NBPF19: variants seen among roughly 807,000 people sequenced by gnomAD.
NBPF19 encodes the protein NBPF family member NBPF19.
A neutral mutation model predicts 45.9 loss-of-function variants in NBPF19; 30 were observed. The observed-to-expected ratio is 0.65, with a 90% CI of 0.49 to 0.89. The LOEUF (loss-of-function observed/expected upper bound fraction) is 0.89, where lower values mean the gene tolerates loss of function less well. Ranked by LOEUF, NBPF19 falls within the 40% of genes least tolerant of loss-of-function variation. The probability of loss-of-function intolerance (pLI) is 0.00; values close to 1 mark genes in which losing one functional copy is unlikely to be tolerated. For synonymous variants in NBPF19, 183 were observed against 181.2 expected (o/e 1.01, Z -0.08); for missense variants, 495 against 471.8 (o/e 1.05, Z -0.46).
rs2086939734 is a variant in NBPF19 at position 149,529,068 on chromosome 1, C to A, written c.7347-106C>A. 9 of 243,878 alleles carry A rather than the reference C, an allele frequency of 3.7e-5. No homozygotes were observed. The East Asian group carries it at 8.0e-4, about 22-fold the overall frequency. The allele number at this position is 243,878 out of a possible 1,614,324, so 15.1% of individuals were successfully genotyped here. ...TTGTTACCTCATTAATGGATCTATC[C>A]TTTTAGTTTCTTAACCACTTCCCTA... On this transcript the variant is annotated intron_variant, in intron 61 of 93. Coordinates refer to ENST00000651566, the MANE Select transcript of NBPF19 (RefSeq NM_001351365.2).
In NBPF19 at chr1:149,488,001, C is replaced by T. The variant is rs1455737111; in HGVS notation, c.1041-12C>T. 2.9e-6 allele frequency: 2 copies of T among 689,014 alleles called. No homozygotes were observed. The highest frequency in any genetic ancestry group is 5.3e-6 in the Non-Finnish European group (2 of 375,186). The allele number at this position is 689,014 out of a possible 1,614,324, so 42.7% of individuals were successfully genotyped here. On this transcript the variant is annotated splice_polypyrimidine_tract_variant and intron_variant, in intron 9 of 93. Coordinates refer to ENST00000651566, the MANE Select transcript of NBPF19 (RefSeq NM_001351365.2). ...CCCCTGGCTTATTCTTTACTTTTTC[C>T]CACTTTTCCAGGCTCAGCAGGGAGC... is the stretch of plus-strand genomic sequence containing the variant.
chr1:149,554,486 C>G lies in NBPF19; in HGVS notation c.11289-9C>G. On this transcript the variant is annotated splice_polypyrimidine_tract_variant and intron_variant, in intron 93 of 93. Transcript: ENST00000651566. Reference sequence around the variant, plus strand: ...CTGGCTGCTTCTTTAGTTTTGTCTCCTTTTCCAGGCTCAACAGCGTGCTGA... The same window carrying G: ...CTGGCTGCTTCTTTAGTTTTGTCTCGTTTTCCAGGCTCAACAGCGTGCTGA... 13 of 1,608,054 alleles carry G rather than the reference C, an allele frequency of 8.1e-6. 1 individual carries two copies. The highest frequency in any genetic ancestry group is 1.3e-5 in the African/African-American group (1 of 74,684).
intron 2 of NBPF19, among the ~76,000 whole-genome samples, 153 bp from the exon 3 acceptor site, chr1:149,477,792 A>G (rs1474185211): frequency 6.6e-6 from 1 of 151,396 alleles, no homozygotes; most frequent in Non-Finnish European, 1.5e-5. Flanking sequence ...GAAAGTCAGG[A>G]GACTGAAGAA....
chr1:149,477,273 C>CT (rs1302654026), intron 2 of NBPF19, among the ~76,000 whole-genome samples: 4 of 150,554 alleles, frequency 2.7e-5, no homozygotes, highest in African/African-American at 9.9e-5. Context: ...AGTGGAAACA[C>CT]TATCTATTAG....
rs1229927037 is a variant in NBPF19 at position 149,478,868 on chromosome 1, G to A, written c.279-12G>A. On this transcript the variant is annotated splice_polypyrimidine_tract_variant and intron_variant, in intron 3 of 93. Coordinates refer to ENST00000651566, the MANE Select transcript of NBPF19 (RefSeq NM_001351365.2). ...TTTCTACTCTTAAATTTTCTCTACC[G>A]TCTCACCTTAGGCAATATAAAGTCC... is the stretch of plus-strand genomic sequence containing the variant. The A allele has an allele frequency of 1.0e-4, 159 of 1,594,772 alleles. 3 individuals carry two copies. The highest frequency in any genetic ancestry group is 9.7e-4 in the South Asian group (88 of 90,696).
chr1:149,477,029 C>T (rs2084878770), intron 2 of NBPF19, among the ~76,000 whole-genome samples: 1 of 150,704 alleles, frequency 6.6e-6, no homozygotes, highest in African/African-American at 2.4e-5. Flanking sequence ...GGTGCACAGG[C>T]TCTTGTTCCT....
chr1:149,535,341 G>GTCTCTC (rs1453464201), intron 69 of NBPF19, among the ~76,000 whole-genome samples: 1 of 138,316 alleles, frequency 7.2e-6, no homozygotes, highest in Non-Finnish European at 1.6e-5. Context: ...CTCTGTCTCT[G>GTCTCTC]TCTCTCTCTC....
chr1:149,487,801 G>C (rs1255388227), intron 9 of NBPF19, among the ~76,000 whole-genome samples: 3 of 149,006 alleles, frequency 2.0e-5, no homozygotes, highest in Non-Finnish European at 3.0e-5. Flanking sequence ...GTGTGTGTGT[G>C]TGTGTGTGTG....
intron 49 of NBPF19, among the ~76,000 whole-genome samples, chr1:149,519,445 C>CTGTGTGTG (rs374862187): frequency 5.7e-3 from 61 of 10,634 alleles, no homozygotes; most frequent in Non-Finnish European, 8.4e-3. Context: ...CTCTCTCTCT[C>CTGTGTGTG]TGTGTGTGTG....
At position 149,494,120 on chromosome 1, in the gene NBPF19, C is replaced by A. The variant is rs1310518578; in HGVS notation, c.1998-198C>A. Among the ~76,000 whole-genome samples the A allele has an allele frequency of 8.2e-4, 111 of 135,646 alleles. 6 individuals are homozygous for A. In the Middle Eastern group the frequency reaches 0.033, roughly 40 times the overall value. 89.0% of individuals were successfully genotyped at this position (135,646 alleles called of 152,430 possible). On this transcript the variant is annotated intron_variant, in intron 17 of 93. Transcript: ENST00000651566. The stretch of plus-strand genomic sequence containing the variant: ...TCTCTCTCTCTCTCTCTCTCTCTCC[C>A]TCTCCCTGTCTTTCTCTTTCATTCT...
intron 2 of NBPF19, among the ~76,000 whole-genome samples, chr1:149,477,176 G>A (rs1441702766): frequency 0.018 from 2,706 of 149,630 alleles, 101 homozygotes; most frequent in African/African-American, 0.063. Flanking sequence ...TGTTCAGAGG[G>A]TACTACAATA....
chr1:149,493,985 CT>C (rs2085971492), intron 17 of NBPF19, among the ~76,000 whole-genome samples: 1 of 63,204 alleles, frequency 1.6e-5, no homozygotes, highest in Non-Finnish European at 2.7e-5. Flanking sequence ...ATTGAGCCCA[CT>C]CTTTTCATGA....
chr1:149,478,692 C>A (rs2084994184), intron 3 of NBPF19, among the ~76,000 whole-genome samples, 188 bp from the exon 4 acceptor site: 1 of 150,830 alleles, frequency 6.6e-6, no homozygotes, highest in African/African-American at 2.4e-5. Context: ...GGAGCCCTCT[C>A]TGATAGAGGG....
Position 149,488,111 on chromosome 1 carries a change from A to C in NBPF19, c.1139A>C (p.Asp380Ala). 3 of 664,972 alleles carry C rather than the reference A, an allele frequency of 4.5e-6. No individual in the cohort carries two copies. The highest frequency in any genetic ancestry group is 3.3e-5 in the South Asian group (2 of 60,878). The allele number at this position is 664,972 out of a possible 1,614,324, so 41.2% of individuals were successfully genotyped here. ...CCTTCAGGTTGTCTTGAACTGACTG[A>C]CTCATGCCAGCCCTACAGAAGTGCC... ...STPSGCLELT[D>A]SCQPYRSAFY... Residue 380 changes from aspartate (D) to alanine (A), a missense_variant, in exon 10 of 94, where the codon GAC becomes GCC. Around this residue, in one of 8 missense-constraint regions of NBPF19, gnomAD observed 146 missense variants for 67.3 expected, o/e 2.17. Coordinates refer to ENST00000651566, the MANE Select transcript of NBPF19 (RefSeq NM_001351365.2).
chr1:149,479,197 T>C lies in NBPF19; in HGVS notation c.493+103T>C, dbSNP rs2085019577. On this transcript the variant is annotated intron_variant, in intron 4 of 93. Transcript: ENST00000651566. Reference sequence around the variant, plus strand: ...CAGTTATATCAGTGGGGTTTTTTTCTACTACACCTATGTGGCCATGACATG... The same window carrying C: ...CAGTTATATCAGTGGGGTTTTTTTCCACTACACCTATGTGGCCATGACATG... 32 of 1,519,766 alleles carry C rather than the reference T, an allele frequency of 2.1e-5. No individual in the cohort carries two copies. In the South Asian group the frequency reaches 3.3e-4, roughly 15 times the overall value. 94.1% of individuals were successfully genotyped at this position (1,519,766 alleles called of 1,614,324 possible). A position where few individuals can be genotyped will look rare whatever the true frequency, so the allele number is the denominator to read the frequency against.
chr1:149,477,631 A>T (rs1255016902), intron 2 of NBPF19, among the ~76,000 whole-genome samples: 2 of 151,382 alleles, frequency 1.3e-5, no homozygotes, highest in African/African-American at 2.4e-5. Flanking sequence ...AGGCTGCAAG[A>T]CTTGGGAAAG....
intron 13 of NBPF19, 100 bp from the exon 14 acceptor site, chr1:149,491,039 C>G (rs1344158970): frequency 0.015 from 5,766 of 381,094 alleles, 505 homozygotes; most frequent in East Asian, 0.025. Flanking sequence ...TATCCTTTTA[C>G]TTTCTTAACC....
Position 149,488,140 on chromosome 1 carries a change from T to C in NBPF19, c.1168T>C (p.Tyr390His). Reference sequence around the variant, plus strand: ...ATGCCAGCCCTACAGAAGTGCCTTTTACGTATTGGAGCAACAGCGTGTTGG... The same window carrying C: ...ATGCCAGCCCTACAGAAGTGCCTTTCACGTATTGGAGCAACAGCGTGTTGG... ...DSCQPYRSAF[Y>H]VLEQQRVGLA... Residue 390 changes from tyrosine to histidine, a missense_variant, in exon 10 of 94, where the codon TAC (tyrosine) becomes CAC (histidine). Physicochemically the swap from Tyr to His is moderately conservative, Grantham distance 83. Transcript: ENST00000651566. 2 of 681,264 alleles carry C rather than the reference T, an allele frequency of 2.9e-6. No homozygotes were observed. The highest frequency in any genetic ancestry group is 5.3e-6 in the Non-Finnish European group (2 of 378,246). The allele number at this position is 681,264 out of a possible 1,614,324, so 42.2% of individuals were successfully genotyped here.
At chr1:149,528,940 T>A (rs1374011520) in intron 61 of NBPF19, among the ~76,000 whole-genome samples, 4 of 121,656 alleles carry the variant, frequency 3.3e-5, no homozygotes, top group African/African-American at 9.8e-5. Flanking sequence ...GCTCGTTCTC[T>A]CTCTCTGTGT....
Sources: allele counts gnomAD v4.1 joint callset (sites outside exome capture counted in the v4.1 genomes callset), GRCh38; gene constraint gnomAD v4.1.1; regional missense constraint gnomAD v4.1.1; transcripts MANE v1.5; gene names NCBI Gene and HGNC (gene_info 2026-07-23, HGNC 2026-07-21).